DAB1: variants seen among roughly 807,000 people sequenced by gnomAD.
The protein encoded by DAB1 is disabled homolog 1.
In DAB1, 15 loss-of-function variants were observed where a neutral mutation model predicts 64.6. That is an observed-to-expected ratio of 0.23 (90% confidence interval 0.16 to 0.36). DAB1 has a LOEUF of 0.36. Among genes scored for constraint, DAB1 ranks in the 10% least tolerant of loss-of-function variants. The pLI is 1.00. For missense variants in DAB1, 596 were observed against 706.7 expected (o/e 0.84, Z 1.78); for synonymous variants, 235 against 251.9 (o/e 0.93, Z 0.64).
intron 2 of DAB1, among the ~76,000 whole-genome samples, chr1:57,282,182 CAAAAAAAA>C (rs61512431): frequency 4.3e-5 from 4 of 92,784 alleles, no homozygotes; most frequent in East Asian, 5.8e-4. Flanking sequence ...GCCTTCTTCT[CAAAAAAAA>C]AAAAAAAAAA....
At chr1:57,060,138 T>TTATTTTATTTTATTTTATTC (rs1236878081) in intron 9 of DAB1, among the ~76,000 whole-genome samples, 1 of 147,134 alleles carries the variant, frequency 6.8e-6, no homozygotes, top group Non-Finnish European at 1.5e-5. Flanking sequence ...TTATTTTATT[T>TTATTTTATTTTATTTTATTC]TATTTTATTT....
chr1:57,450,903 T>C (rs1320537832), intron 7 of DAB1, among the ~76,000 whole-genome samples: 1 of 152,214 alleles, frequency 6.6e-6, no homozygotes, highest in Non-Finnish European at 1.5e-5. Context: ...TCCAGTAGGA[T>C]TGGCTGGTTT....
At chr1:58,409,437 G>A (rs1644646556) in intron 3 of DAB1, among the ~76,000 whole-genome samples, 2 of 152,186 alleles carry the variant, frequency 1.3e-5, no homozygotes, top group Admixed American at 1.3e-4. Flanking sequence ...GCCATTTTCA[G>A]CTTTAGGTAA....
chr1:57,273,063 A>G (rs1009441960), intron 2 of DAB1, among the ~76,000 whole-genome samples: 2 of 152,154 alleles, frequency 1.3e-5, no homozygotes, highest in Admixed American at 6.5e-5. Flanking sequence ...TGGGACCTCA[A>G]CTTCTATTTG....
chr1:57,652,522 C>G (rs1182071420), intron 6 of DAB1, among the ~76,000 whole-genome samples: 1 of 152,150 alleles, frequency 6.6e-6, no homozygotes, highest in East Asian at 1.9e-4. Context: ...GATAAATTGG[C>G]TTCATCTGGG....
chr1:58,177,810 A>G (rs1375358583), intron 4 of DAB1, among the ~76,000 whole-genome samples: 1 of 152,206 alleles, frequency 6.6e-6, no homozygotes, highest in South Asian at 2.1e-4. Flanking sequence ...TATATCACAA[A>G]AGATTTGAAA....
chr1:57,390,858 G>A (rs1682289996), intron 1 of DAB1, among the ~76,000 whole-genome samples: 1 of 152,118 alleles, frequency 6.6e-6, no homozygotes, highest in African/African-American at 2.4e-5. Flanking sequence ...ATTCTAAGGT[G>A]GAAATCTGCT....
chr1:58,154,050 G>A (rs1655088018), intron 4 of DAB1, among the ~76,000 whole-genome samples: 1 of 151,700 alleles, frequency 6.6e-6, no homozygotes, highest in Admixed American at 6.6e-5. Flanking sequence ...CAAATAGTCA[G>A]CGATTCCCTA....
intron 6 of DAB1, among the ~76,000 whole-genome samples, chr1:57,790,527 C>A (rs1207343011): frequency 1.3e-5 from 2 of 152,084 alleles, no homozygotes; most frequent in South Asian, 2.1e-4. Flanking sequence ...CCCCCAATAT[C>A]AGAGGAGATG....
At chr1:57,255,981 T>C (rs986876250) in intron 2 of DAB1, among the ~76,000 whole-genome samples, 3 of 152,220 alleles carry the variant, frequency 2.0e-5, no homozygotes, top group African/African-American at 7.2e-5. Context: ...AAATCAGCAG[T>C]GAAATGAAAC....
intron 3 of DAB1, among the ~76,000 whole-genome samples, chr1:58,425,338 A>C (rs1644812431): frequency 6.6e-6 from 1 of 152,252 alleles, no homozygotes; most frequent in Admixed American, 6.5e-5. Context: ...GACAGTGCTC[A>C]CATCCCTAAT....
At chr1:58,501,805 G>A (rs575127399) in intron 3 of DAB1, among the ~76,000 whole-genome samples, 13 of 152,178 alleles carry the variant, frequency 8.5e-5, no homozygotes, top group Middle Eastern at 3.4e-3. Flanking sequence ...AACTGTATTT[G>A]GAAATAAGGC....
intron 4 of DAB1, among the ~76,000 whole-genome samples, chr1:58,158,244 C>G (rs1655322403): frequency 6.6e-6 from 1 of 152,128 alleles, no homozygotes; most frequent in African/African-American, 2.4e-5. Context: ...TGCAAGGGGG[C>G]ATTTACCCAT....
At chr1:58,208,491 T>A (rs1220863323) in intron 4 of DAB1, among the ~76,000 whole-genome samples, 1 of 152,160 alleles carries the variant, frequency 6.6e-6, no homozygotes, top group Non-Finnish European at 1.5e-5. Flanking sequence ...ATCATTTTTA[T>A]TCCTTTGTAT....
intron 7 of DAB1, among the ~76,000 whole-genome samples, chr1:57,619,776 G>C (rs1645834362): frequency 6.6e-6 from 1 of 152,102 alleles, no homozygotes; most frequent in Admixed American, 6.5e-5. Flanking sequence ...AGGGCCAGCA[G>C]GGACAATCCT....
chr1:57,975,188 G>A (rs1177027029), intron 5 of DAB1, among the ~76,000 whole-genome samples: 1 of 152,102 alleles, frequency 6.6e-6, no homozygotes, highest in Non-Finnish European at 1.5e-5. Context: ...CAGAAAGTGA[G>A]TCCTCACCAG....
intron 5 of DAB1, among the ~76,000 whole-genome samples, chr1:58,003,146 T>A (rs977600771): frequency 1.3e-5 from 2 of 152,184 alleles, no homozygotes; most frequent in African/African-American, 4.8e-5. Flanking sequence ...TGCCCTTCCC[T>A]CAATGGGTAA....
chr1:57,494,073 C>T (rs111268168), intron 7 of DAB1, among the ~76,000 whole-genome samples: 27 of 152,206 alleles, frequency 1.8e-4, no homozygotes, highest in African/African-American at 6.5e-4. Context: ...ACTCTGTGAA[C>T]TCTAAAGAAC....
At chr1:58,244,234 C>T (rs1660431087) in intron 4 of DAB1, among the ~76,000 whole-genome samples, 1 of 152,130 alleles carries the variant, frequency 6.6e-6, no homozygotes, top group Admixed American at 6.6e-5. Context: ...AAAACAGCTG[C>T]TACAAAAGCA....
Sources: allele counts gnomAD v4.1 joint callset (sites outside exome capture counted in the v4.1 genomes callset), GRCh38; gene constraint gnomAD v4.1.1; transcripts MANE v1.5; gene names NCBI Gene and HGNC (gene_info 2026-07-23, HGNC 2026-07-21).